The following PTPN14 variants were observed in gnomAD, a reference collection of about 807,000 sequenced individuals.
PTPN14 encodes tyrosine-protein phosphatase non-receptor type 14.
Under a neutral mutation model 126.8 loss-of-function variants are expected in PTPN14, and 53 were observed. The observed-to-expected ratio is 0.42, with a 90% confidence interval of 0.34 to 0.53. The LOEUF is 0.53. Among genes scored for constraint, PTPN14 ranks in the 20% least tolerant of loss-of-function variants. PTPN14 has a pLI of 0.08. For missense variants in PTPN14, 1,257 were observed against 1,552.9 expected (o/e 0.81, Z 3.20); for synonymous variants, 630 against 599.3 (o/e 1.05, Z -0.75).
At chr1:214,391,148 G>T in intron 10 of PTPN14, 103 bp from the exon 11 acceptor site, 2 of 727,668 alleles carry the variant, frequency 2.7e-6, no homozygotes, top group Non-Finnish European at 2.0e-6. Flanking sequence ...ACTGGTAATC[G>T]TTATATCAAA....
intron 3 of PTPN14, among the ~76,000 whole-genome samples, chr1:214,418,738 T>C (rs1336770499): frequency 3.3e-5 from 5 of 152,256 alleles, no homozygotes; most frequent in Non-Finnish European, 5.9e-5. Context: ...AAAATCCTAT[T>C]ACAGGACATG....
At chr1:214,376,667 T>C (rs1255954764) in intron 14 of PTPN14, among the ~76,000 whole-genome samples, 4 of 152,124 alleles carry the variant, frequency 2.6e-5, no homozygotes, top group East Asian at 1.9e-4. Flanking sequence ...CTAGCAAGAG[T>C]TGAAATTCAA....
chr1:214,526,806 G>A (rs1321212864), intron 1 of PTPN14, among the ~76,000 whole-genome samples: 1 of 152,182 alleles, frequency 6.6e-6, no homozygotes, highest in African/African-American at 2.4e-5. Flanking sequence ...AAAGAGAGCA[G>A]GTGGGCCGGG....
At chr1:214,539,066 A>C (rs1463852807) in intron 1 of PTPN14, among the ~76,000 whole-genome samples, 2 of 152,196 alleles carry the variant, frequency 1.3e-5, no homozygotes, top group Non-Finnish European at 2.9e-5. Context: ...TAAAAAATTA[A>C]AGTTAGTTCT....
At chr1:214,455,309 T>C (rs1226732997) in intron 2 of PTPN14, among the ~76,000 whole-genome samples, 1 of 152,218 alleles carries the variant, frequency 6.6e-6, no homozygotes, top group African/African-American at 2.4e-5. Context: ...CTGCTAAACA[T>C]TGCCACATGG....
At chr1:214,515,780 A>T (rs1262725587) in intron 1 of PTPN14, among the ~76,000 whole-genome samples, 9 of 151,452 alleles carry the variant, frequency 5.9e-5, no homozygotes, top group African/African-American at 1.9e-4. Context: ...AATGATTCTC[A>T]AATGTGAAGA....
intron 1 of PTPN14, among the ~76,000 whole-genome samples, chr1:214,481,108 C>T (rs963502698): frequency 1.2e-4 from 19 of 152,200 alleles, no homozygotes; most frequent in South Asian, 2.1e-4. Context: ...ATAAGAACTT[C>T]AAGTAAGATT....
At chr1:214,472,928 T>G (rs1391722965) in intron 1 of PTPN14, among the ~76,000 whole-genome samples, 1 of 152,238 alleles carries the variant, frequency 6.6e-6, no homozygotes, top group Non-Finnish European at 1.5e-5. Context: ...CCATGCTTGC[T>G]GAAAGCAATT....
At chr1:214,505,144 G>A (rs991179279) in intron 1 of PTPN14, among the ~76,000 whole-genome samples, 6 of 151,424 alleles carry the variant, frequency 4.0e-5, no homozygotes, top group Admixed American at 6.6e-5. Context: ...TCATTGTGGC[G>A]GTCATGTGAA....
At chr1:214,523,254 T>A (rs1655304835) in intron 1 of PTPN14, among the ~76,000 whole-genome samples, 1 of 152,096 alleles carries the variant, frequency 6.6e-6, no homozygotes, top group Non-Finnish European at 1.5e-5. Flanking sequence ...ATCATCCCAT[T>A]TTTCTTATAT....
chr1:214,494,865 C>A (rs1303442493), intron 1 of PTPN14, among the ~76,000 whole-genome samples: 1 of 152,158 alleles, frequency 6.6e-6, no homozygotes, highest in Admixed American at 6.5e-5. Context: ...GAAACACTGA[C>A]CACGTGTCAT....
rs1651697392 is a variant in PTPN14 at position 214,543,331 on chromosome 1, A to G, written c.-155+7852T>C. On this transcript the variant is annotated intron_variant, in intron 1 of 18. Coordinates refer to ENST00000366956, the MANE Select transcript of PTPN14 (RefSeq NM_005401.5). ...TTTCCTAGACTTGAAAATGAGAGGAAAAATTACCATGTTTTTTAAGTATCC... is the reference window on the plus strand; with the variant it reads ...TTTCCTAGACTTGAAAATGAGAGGAGAAATTACCATGTTTTTTAAGTATCC... 2.6e-5 allele frequency among the ~76,000 whole-genome samples: 4 copies of G among 152,198 alleles called. No individual in the cohort carries two copies. The South Asian group carries it at 8.3e-4, about 32-fold the overall frequency.
intron 1 of PTPN14, among the ~76,000 whole-genome samples, chr1:214,521,727 A>C (rs958294104): frequency 6.9e-6 from 1 of 144,354 alleles, no homozygotes; most frequent in African/African-American, 2.8e-5. Flanking sequence ...AAGCACACCC[A>C]CACACACACA....
chr1:214,398,081 G>A (rs1405485062), intron 7 of PTPN14, 80 bp from the exon 8 acceptor site: 15 of 1,137,346 alleles, frequency 1.3e-5, no homozygotes, highest in South Asian at 4.0e-5. Context: ...ATATGGAATC[G>A]ACCTGAGTGT....
intron 3 of PTPN14, among the ~76,000 whole-genome samples, chr1:214,438,782 C>T (rs935378567): frequency 1.3e-5 from 2 of 152,186 alleles, no homozygotes; most frequent in African/African-American, 4.8e-5. Flanking sequence ...GTGACTGATA[C>T]CAGCACAGCT....
At position 214,504,059 on chromosome 1, in the gene PTPN14, G is replaced by A. The variant is rs941342010; in HGVS notation, c.-154-39102C>T. 3.3e-5 allele frequency among the ~76,000 whole-genome samples: 5 copies of A among 152,112 alleles called. No homozygotes were observed. The East Asian group carries it at 5.8e-4, about 18-fold the overall frequency. On this transcript the variant is annotated intron_variant, in intron 1 of 18. Transcript: ENST00000366956. ...CAGAGAATGGTCATAGGAATGCTGC[G>A]AATAATGTCACCACTTTCCCATTCC... is the stretch of plus-strand genomic sequence containing the variant.
rs1558071988 is a variant in PTPN14 at position 214,369,569 on chromosome 1, G to GGTTGCA, written c.3153_3158dup (p.Ala1052_Thr1053dup). 6.2e-7 allele frequency: 1 copy of GGTTGCA among 1,614,150 alleles called. No homozygotes were observed. The highest frequency in any genetic ancestry group is 1.7e-5 in the Admixed American group (1 of 60,016). On this transcript the variant is annotated inframe_insertion, in exon 17 of 19. Coordinates refer to ENST00000366956, the MANE Select transcript of PTPN14 (RefSeq NM_005401.5). Reference sequence around the variant, plus strand: ...AAAGGTGCTTGACCTTCAAGCCCGTGGTTGCATAGCAAACAGAATCCGTTC... The same window carrying GGTTGCA: ...AAAGGTGCTTGACCTTCAAGCCCGTGGTTGCAGTTGCATAGCAAACAGAATCCGTTC...
rs115366411 is a variant in PTPN14 at position 214,511,529 on chromosome 1, C to T, written c.-155+39654G>A. 4.1e-3 allele frequency among the ~76,000 whole-genome samples: 626 copies of T among 151,626 alleles called. 5 individuals carry two copies. Among genetic ancestry groups the T allele is most frequent in the African/African-American group, 0.014 (599 of 41,350 alleles). On this transcript the variant is annotated intron_variant, in intron 1 of 18. Coordinates refer to ENST00000366956, the MANE Select transcript of PTPN14 (RefSeq NM_005401.5). ...AAGAAAAGAAAATAACAAGTGTTGG[C>T]GAGGATGTGGGAAAAATTGGAACTC...
intron 11 of PTPN14, among the ~76,000 whole-genome samples, chr1:214,388,012 A>G (rs755847198): frequency 6.6e-6 from 1 of 152,226 alleles, no homozygotes; most frequent in Non-Finnish European, 1.5e-5. Context: ...ACCGCAGTGC[A>G]GAATCTTCCA....
Sources: gnomAD v4.1 joint callset for allele counts (sites outside exome capture counted in the v4.1 genomes callset) on GRCh38, gnomAD v4.1.1 for gene constraint, MANE v1.5 for transcripts, NCBI Gene and HGNC (gene_info 2026-07-23, HGNC 2026-07-21) for gene names.